PRR23A: variants seen among roughly 807,000 people sequenced by gnomAD.
The protein encoded by PRR23A is proline rich 23A, also known as proline-rich protein 23A.
For synonymous variants in PRR23A, 161 were observed against 170.6 expected, an observed-to-expected ratio of 0.94 and a Z score of 0.44; for missense variants, 342 against 372.7, an observed-to-expected ratio of 0.92 and a Z score of 0.68.
the PRR23A span, chr3:139,005,914 A>AGT: frequency 1.9e-6 from 3 of 1,613,628 alleles, no homozygotes; most frequent in Non-Finnish European, 2.5e-6. Flanking sequence ...AGCCCAGCAG[A>AGT]CGAGTCGTCC....
In PRR23A at chr3:139,005,990, A is replaced by C; in HGVS notation, c.279T>G (p.Asp93Glu). The stretch of plus-strand genomic sequence containing the variant: ...CTGGGATCAGGATGAGGGTGTGTCC[A>C]TCGAGAGACACTCGCAGGATCGACG... ...PPTSILRVSL[D>E]GHTLILIPEV... Residue 93 changes from aspartate (D) to glutamate (E), a missense_variant, in exon 1 of 1, where the codon GAT becomes GAG. Transcript: ENST00000383163. 6.2e-7 allele frequency: 1 copy of C among 1,613,866 alleles called. No individual in the cohort carries two copies. Among genetic ancestry groups the C allele is most frequent in the Non-Finnish European group, 8.5e-7 (1 of 1,179,960 alleles).
At position 139,005,059 on chromosome 3, in the gene PRR23A, AGGG is replaced by A. The variant is rs1211955229; in HGVS notation, c.*406_*408del. On this transcript the variant is annotated 3_prime_UTR_variant, in exon 1 of 1. Transcript: ENST00000383163. ...AGGTGTATGGAAGTGATAAAAAAAA[AGGG>A]GGGAATTTTAAAGAAAACTGAAGGG... Among the ~76,000 whole-genome samples, 2 of 152,072 alleles carry A rather than the reference AGGG, an allele frequency of 1.3e-5. No individual in the cohort carries two copies. Among genetic ancestry groups the A allele is most frequent in the African/African-American group, 4.8e-5 (2 of 41,452 alleles).
rs1256338160 is a variant in PRR23A at position 139,004,546 on chromosome 3, C to A, written c.*922G>T. On this transcript the variant is annotated 3_prime_UTR_variant, in exon 1 of 1. Transcript: ENST00000383163. ...CCAGGCTGGAGTGCAATGGCACGAT[C>A]TCGGCTCATTGCAACCTCTGCCTCT... 6.6e-6 allele frequency among the ~76,000 whole-genome samples: 1 copy of A among 150,454 alleles called. No individual in the cohort carries two copies. Among genetic ancestry groups the A allele is most frequent in the Non-Finnish European group, 1.5e-5 (1 of 67,818 alleles).
Position 139,004,565 on chromosome 3 carries a change from T to C in PRR23A, c.*903A>G, listed in dbSNP as rs1488072835. ...CACGATCTCGGCTCATTGCAACCTC[T>C]GCCTCTCAGGTTCAAGCACTCCTCC... On this transcript the variant is annotated 3_prime_UTR_variant, in exon 1 of 1. Transcript: ENST00000383163. Among the ~76,000 whole-genome samples the C allele has an allele frequency of 6.6e-6, 1 of 151,908 alleles. No homozygotes were observed. Among genetic ancestry groups the C allele is most frequent in the Non-Finnish European group, 1.5e-5 (1 of 67,966 alleles).
In PRR23A at chr3:139,004,417, T is replaced by C. The variant is rs1035136141; in HGVS notation, c.*1051A>G. ...ACAAGATGCTGCTGGAATGAAAGTG[T>C]CACAACTTCCTACTTTCCCTCATTA... On this transcript the variant is annotated 3_prime_UTR_variant, in exon 1 of 1. Coordinates refer to ENST00000383163, the MANE Select transcript of PRR23A (RefSeq NM_001134659.1). Among the ~76,000 whole-genome samples the C allele has an allele frequency of 3.9e-5, 6 of 152,126 alleles. No individual in the cohort carries two copies. The highest frequency in any genetic ancestry group is 6.5e-5 in the Admixed American group (1 of 15,270).
chr3:139,004,538 G>A lies in PRR23A; in HGVS notation c.*930C>T, dbSNP rs1222823646. 2.7e-5 allele frequency among the ~76,000 whole-genome samples: 4 copies of A among 149,696 alleles called. No homozygotes were observed. The highest frequency in any genetic ancestry group is 5.9e-5 in the Non-Finnish European group (4 of 67,658). On this transcript the variant is annotated 3_prime_UTR_variant, in exon 1 of 1. Transcript: ENST00000383163. ...TCTGTTGCCCAGGCTGGAGTGCAAT[G>A]GCACGATCTCGGCTCATTGCAACCT...
chr3:139,006,223 A>T lies in PRR23A; in HGVS notation c.46T>A (p.Trp16Arg). 2 of 1,545,552 alleles carry T rather than the reference A, an allele frequency of 1.3e-6. No individual in the cohort carries two copies. Among genetic ancestry groups the T allele is most frequent in the Non-Finnish European group, 1.7e-6 (2 of 1,149,304 alleles). ...CCGGGTCCTCCTGGCTGCTGTCCCCACCAGGGCGCAGGGAAGGCGCTGGGG... is the reference window on the plus strand; with the variant it reads ...CCGGGTCCTCCTGGCTGCTGTCCCCTCCAGGGCGCAGGGAAGGCGCTGGGG... ...RSPSAFPAPW[W>R]GQQPGGPGPA... The change falls in exon 1 of 1, where the codon TGG (tryptophan) becomes AGG (arginine). Residue 16 changes from tryptophan (W) to arginine (R), a missense_variant. Trp to Arg is a moderately radical substitution (Grantham distance 101). Coordinates refer to ENST00000383163, the MANE Select transcript of PRR23A (RefSeq NM_001134659.1).
rs1309518870 is a variant in PRR23A at position 139,004,282 on chromosome 3, C to G, written c.*1186G>C. ...CTCAAAAATAAATTAGACCAAATGT[C>G]CATGCGGTGAAGGTGAGTGAGTACC... On this transcript the variant is annotated 3_prime_UTR_variant, in exon 1 of 1. Transcript: ENST00000383163. Among the ~76,000 whole-genome samples the G allele has an allele frequency of 6.6e-6, 1 of 152,052 alleles. No homozygotes were observed. The highest frequency in any genetic ancestry group is 1.5e-5 in the Non-Finnish European group (1 of 68,014).
At position 139,005,389 on chromosome 3, in the gene PRR23A, G is replaced by T; in HGVS notation, c.*79C>A. On this transcript the variant is annotated 3_prime_UTR_variant, in exon 1 of 1. Transcript: ENST00000383163. Reference sequence around the variant, plus strand: ...ATGAATGAAGATGCTGCATTTCCGGGCTGTGGCAAGTCCTCACAGTGAGTC... The same window carrying T: ...ATGAATGAAGATGCTGCATTTCCGGTCTGTGGCAAGTCCTCACAGTGAGTC... 1 of 1,222,942 alleles carries T rather than the reference G, an allele frequency of 8.2e-7. No homozygotes were observed. Among genetic ancestry groups the T allele is most frequent in the Non-Finnish European group, 1.1e-6 (1 of 904,786 alleles). The allele number at this position is 1,222,942 out of a possible 1,614,324, so 75.8% of individuals were successfully genotyped here.
At chr3:139,005,653 TG>T in the PRR23A span, 2 of 1,613,342 alleles carry the variant, frequency 1.2e-6, no homozygotes, top group South Asian at 2.2e-5. Flanking sequence ...CCCTCTGAAC[TG>T]GGGTTGGGGG....
Position 139,005,756 on chromosome 3 carries a change from G to C in PRR23A, c.513C>G (p.Ser171=), listed in dbSNP as rs1459174111. 6.2e-7 allele frequency: 1 copy of C among 1,613,594 alleles called. No homozygotes were observed. ...DPEFPELQMD[S]AAGSAAGLYS... ...AGAGCCCAGCGGCTGAGCCGGCTGC[G>C]GAGTCCATCTGGAGCTCCGGAAACT... The change falls in exon 1 of 1, where the codon TCC becomes TCG. Residue 171 remains serine, a synonymous_variant. Coordinates refer to ENST00000383163, the MANE Select transcript of PRR23A (RefSeq NM_001134659.1).
Position 139,006,057 on chromosome 3 carries a change from ACACGCAGGG to A in PRR23A, c.203_211del (p.Ala68_Arg70del), listed in dbSNP as rs774229446. 3.7e-6 allele frequency: 6 copies of A among 1,601,504 alleles called. No individual in the cohort carries two copies. The South Asian group carries it at 6.7e-5, about 18-fold the overall frequency. On this transcript the variant is annotated inframe_deletion, in exon 1 of 1. Transcript: ENST00000383163. ...CACCAGGTCGACGTCGTCCAGGGGCACACGCAGGGCACAGCCCGCGGCCAGGACCACTAT... is the reference window on the plus strand; with the variant it reads ...CACCAGGTCGACGTCGTCCAGGGGCACACAGCCCGCGGCCAGGACCACTAT...
rs778701144 is a variant in PRR23A, at chr3:139,005,561, G to A, written c.708C>T (p.Pro236=). Residue 236 remains proline (P), a synonymous_variant, in exon 1 of 1, where the codon CCC becomes CCT. Transcript: ENST00000383163. ...GACCTGGACTCCCCACGCGCGGAGAGGGAGGTAGAGGTTGGAGAGGTGAGC... is the reference window on the plus strand; with the variant it reads ...GACCTGGACTCCCCACGCGCGGAGAAGGAGGTAGAGGTTGGAGAGGTGAGC... ...VPSSPLQPLP[P]SPRVGSPGPH... is the part of the protein sequence containing the mutation. 2 of 1,602,450 alleles carry A rather than the reference G, an allele frequency of 1.2e-6. No homozygotes were observed. Among genetic ancestry groups the A allele is most frequent in the South Asian group, 2.2e-5 (2 of 89,534 alleles).
chr3:139,005,932 C>T lies in PRR23A; in HGVS notation c.337G>A (p.Gly113Arg), dbSNP rs780521253. Residue 113 changes from glycine to arginine, a missense_variant, in exon 1 of 1, where the codon GGA becomes AGA. By Grantham distance (125) the Gly-to-Arg change is moderately radical. Transcript: ENST00000383163. Reference protein sequence around the residue: ...VLLSSVDERSGAQDDSSAGLE... With the variant: ...VLLSSVDERSRAQDDSSAGLE... ...CCAGCAGACGAGTCGTCCTGCGCTC[C>T]TGAGCGTTCGTCGACAGAGCTCAGG... 6.2e-7 allele frequency: 1 copy of T among 1,613,902 alleles called. No individual in the cohort carries two copies. Among genetic ancestry groups the T allele is most frequent in the Non-Finnish European group, 8.5e-7 (1 of 1,179,912 alleles).
rs993216611 is a variant in PRR23A at position 139,004,476 on chromosome 3, T to C, written c.*992A>G. ...TTTCACTAATTTTTAAATTGTTTTT[T>C]CGTTTTCTTTTTTTTTTTTTTGAGA... On this transcript the variant is annotated 3_prime_UTR_variant, in exon 1 of 1. Transcript: ENST00000383163. Among the ~76,000 whole-genome samples the C allele has an allele frequency of 6.6e-6, 1 of 151,856 alleles. No individual in the cohort carries two copies. The highest frequency in any genetic ancestry group is 2.4e-5 in the African/African-American group (1 of 41,340).
Position 139,005,870 on chromosome 3 carries a change from C to T in PRR23A, c.399G>A (p.Glu133=), listed in dbSNP as rs1228505760. Residue 133 remains glutamate (E), a synonymous_variant, in exon 1 of 1, where the codon GAG becomes GAA. Transcript: ENST00000383163. ...EVDVFLGALR[E]DVVVEQEVFC... is the part of the protein sequence containing the mutation. ...AGACTTCCTGCTCAACGACGACGTCCTCCCTGAGAGCGCCCAGGAAAACGT... is the reference window on the plus strand; with the variant it reads ...AGACTTCCTGCTCAACGACGACGTCTTCCCTGAGAGCGCCCAGGAAAACGT... 6.2e-7 allele frequency: 1 copy of T among 1,613,864 alleles called. No individual in the cohort carries two copies. The highest frequency in any genetic ancestry group is 8.5e-7 in the Non-Finnish European group (1 of 1,179,900).
rs1411837207 is a variant in PRR23A, at chr3:139,004,722, C to T, written c.*746G>A. Among the ~76,000 whole-genome samples, 1 of 152,146 alleles carries T rather than the reference C, an allele frequency of 6.6e-6. No individual in the cohort carries two copies. The highest frequency in any genetic ancestry group is 1.5e-5 in the Non-Finnish European group (1 of 68,022). On this transcript the variant is annotated 3_prime_UTR_variant, in exon 1 of 1. Transcript: ENST00000383163. ...CTCGAACTCCTGACTGCAGGTGATC[C>T]ACACGCCTCGGCCTCCCAAAGTGCT... is the stretch of plus-strand genomic sequence containing the variant.
Position 139,006,227 on chromosome 3 carries a change from G to C in PRR23A, c.42C>G (p.Pro14=). 6.5e-7 allele frequency: 1 copy of C among 1,545,656 alleles called. No individual in the cohort carries two copies. The highest frequency in any genetic ancestry group is 8.7e-7 in the Non-Finnish European group (1 of 1,149,548). The stretch of plus-strand genomic sequence containing the variant: ...GTCCTCCTGGCTGCTGTCCCCACCA[G>C]GGCGCAGGGAAGGCGCTGGGGCTGC... ...RPRSPSAFPA[P]WWGQQPGGPG... is the part of the protein sequence containing the mutation. The change falls in exon 1 of 1, where the codon CCC becomes CCG. Residue 14 remains proline, a synonymous_variant. Transcript: ENST00000383163.
At position 139,005,911 on chromosome 3, in the gene PRR23A, C is replaced by G. The variant is rs201305464; in HGVS notation, c.358G>C (p.Ala120Pro). The G allele has an allele frequency of 1.0e-3, 1,620 of 1,613,528 alleles. 24 individuals are homozygous for G. The African/African-American group carries it at 0.02, about 20-fold the overall frequency. ...ERSGAQDDSS[A>P]GLEVDVFLGA... Reference sequence around the variant, plus strand: ...AGGAAAACGTCCACTTCCAGCCCAGCAGACGAGTCGTCCTGCGCTCCTGAG... The same window carrying G: ...AGGAAAACGTCCACTTCCAGCCCAGGAGACGAGTCGTCCTGCGCTCCTGAG... Residue 120 changes from alanine (A) to proline (P), a missense_variant, in exon 1 of 1, where the codon GCT becomes CCT. By Grantham distance (27) the Ala-to-Pro change is conservative. Transcript: ENST00000383163.
Sources: gnomAD v4.1 joint callset for allele counts (sites outside exome capture counted in the v4.1 genomes callset) on GRCh38, gnomAD v4.1.1 for gene constraint, MANE v1.5 for transcripts, NCBI Gene and HGNC (gene_info 2026-07-23, HGNC 2026-07-21) for gene names.